The following OTOGL variants were observed in gnomAD, a reference collection of about 807,000 sequenced individuals.
OTOGL encodes otogelin-like protein.
Under a neutral mutation model 318.5 loss-of-function variants are expected in OTOGL, and 285 were observed. The ratio of observed to expected loss-of-function variants is 0.89; its 90% CI spans 0.81 to 0.99. OTOGL has a LOEUF of 0.99. Ranked by LOEUF, OTOGL falls within the 50% of genes least tolerant of loss-of-function variation. The probability of loss-of-function intolerance (pLI) is 0.00; values close to 1 mark genes in which losing one functional copy is unlikely to be tolerated. For missense variants in OTOGL, 2,899 were observed against 2,845.6 expected, an observed-to-expected ratio of 1.02 and a Z score of -0.43; for synonymous variants, 987 against 936.5, an observed-to-expected ratio of 1.05 and a Z score of -0.99.
chr12:80,299,282 C>A (rs1229775420), intron 27 of OTOGL, among the ~76,000 whole-genome samples: 1 of 152,096 alleles, frequency 6.6e-6, no homozygotes, highest in Non-Finnish European at 1.5e-5. Context: ...TAAGCACCAA[C>A]CAGATATTCA....
intron 27 of OTOGL, among the ~76,000 whole-genome samples, chr12:80,301,736 A>C (rs1225862007): frequency 1.3e-5 from 2 of 152,026 alleles, no homozygotes. Context: ...CTGCCCCCCT[A>C]CACACATACA....
At chr12:80,366,052 C>T (rs1890508023) in intron 52 of OTOGL, among the ~76,000 whole-genome samples, 1 of 152,000 alleles carries the variant, frequency 6.6e-6, no homozygotes, top group African/African-American at 2.4e-5. Flanking sequence ...TATATTGATC[C>T]ATTTATTTCT....
chr12:80,335,706 G>T (rs1888348226), intron 38 of OTOGL, among the ~76,000 whole-genome samples: 1 of 151,930 alleles, frequency 6.6e-6, no homozygotes, highest in Non-Finnish European at 1.5e-5. Flanking sequence ...GGAGAACACT[G>T]TTTTCTTCAG....
At chr12:80,301,519 T>C (rs1041070218) in intron 27 of OTOGL, among the ~76,000 whole-genome samples, 2 of 152,236 alleles carry the variant, frequency 1.3e-5, no homozygotes, top group Admixed American at 1.3e-4. Flanking sequence ...GCTCTAGCCT[T>C]TTGGTACTCT....
chr12:80,191,233 T>C (rs1199910233), intron 1 of OTOGL, among the ~76,000 whole-genome samples: 1 of 151,632 alleles, frequency 6.6e-6, no homozygotes, highest in African/African-American at 2.4e-5. Context: ...AAGTCAGGAG[T>C]TCAAGACCAG....
chr12:80,297,211 C>T (rs1885463408), intron 27 of OTOGL, among the ~76,000 whole-genome samples: 1 of 152,168 alleles, frequency 6.6e-6, no homozygotes, highest in African/African-American at 2.4e-5. Context: ...CTTGCAACCC[C>T]CACCTATTGC....
chr12:80,149,795 A>C (rs999914480), intron 1 of OTOGL, among the ~76,000 whole-genome samples: 7 of 152,170 alleles, frequency 4.6e-5, no homozygotes, highest in African/African-American at 1.7e-4. Context: ...AGCCCGTCGG[A>C]AAAGCGCAGT....
intron 29 of OTOGL, among the ~76,000 whole-genome samples, chr12:80,306,772 CTTTTT>C (rs11354571): frequency 6.9e-6 from 1 of 144,902 alleles, no homozygotes; most frequent in African/African-American, 2.5e-5. Context: ...GTAACTATTT[CTTTTT>C]TTTTTTTAAA....
chr12:80,232,271 T>A (rs1879436017), intron 8 of OTOGL, among the ~76,000 whole-genome samples: 2 of 152,172 alleles, frequency 1.3e-5, no homozygotes, highest in Admixed American at 6.5e-5. Flanking sequence ...GTACATTATA[T>A]CCCTAATATT....
intron 42 of OTOGL, among the ~76,000 whole-genome samples, chr12:80,337,249 A>G (rs1053594148): frequency 6.6e-6 from 1 of 151,970 alleles, no homozygotes; most frequent in Non-Finnish European, 1.5e-5. Flanking sequence ...TACACTAGCG[A>G]CCTCTGAGAT....
chr12:80,209,136 G>A (rs1877040816), intron 1 of OTOGL, among the ~76,000 whole-genome samples: 3 of 152,094 alleles, frequency 2.0e-5, no homozygotes, highest in South Asian at 2.1e-4. Flanking sequence ...GAAGGTAAAA[G>A]GTTGATATAG....
intron 35 of OTOGL, among the ~76,000 whole-genome samples, chr12:80,325,447 T>C (rs1448927754): frequency 6.6e-6 from 1 of 152,214 alleles, no homozygotes; most frequent in Non-Finnish European, 1.5e-5. Flanking sequence ...TTAATCTCAG[T>C]ATTCCTATTC....
chr12:80,122,088 A>T (rs956400419), intron 1 of OTOGL, among the ~76,000 whole-genome samples: 105 of 152,300 alleles, frequency 6.9e-4, no homozygotes, highest in Non-Finnish European at 1.3e-4. Flanking sequence ...GATTAAGAAA[A>T]ATACCACAAA....
At chr12:80,327,605 C>T (rs546543016) in intron 35 of OTOGL, among the ~76,000 whole-genome samples, 12 of 151,652 alleles carry the variant, frequency 7.9e-5, no homozygotes, top group African/African-American at 1.7e-4. Flanking sequence ...CTACAAACAC[C>T]GTCAAGGCAA....
intron 1 of OTOGL, among the ~76,000 whole-genome samples, chr12:80,190,676 A>G (rs1204293575): frequency 6.6e-6 from 1 of 151,334 alleles, no homozygotes; most frequent in African/African-American, 2.4e-5. Context: ...AATCCCAGCT[A>G]CTCGGAAGGC....
intron 46 of OTOGL, among the ~76,000 whole-genome samples, 163 bp downstream of exon 46, chr12:80,353,673 A>G (rs1889701641): frequency 6.6e-6 from 1 of 152,246 alleles, no homozygotes; most frequent in South Asian, 2.1e-4. Flanking sequence ...TTTCAAGAGA[A>G]GTTAATTGTT....
At chr12:80,243,871 G>A (rs999237386) in intron 11 of OTOGL, among the ~76,000 whole-genome samples, 1 of 128,416 alleles carries the variant, frequency 7.8e-6, no homozygotes, top group Non-Finnish European at 1.5e-5. Flanking sequence ...ATATATATAC[G>A]ATTCCATTAT....
intron 1 of OTOGL, among the ~76,000 whole-genome samples, chr12:80,177,668 TG>T (rs1483199103): frequency 1.3e-5 from 2 of 152,190 alleles, no homozygotes; most frequent in African/African-American, 4.8e-5. Flanking sequence ...AGATCAATTT[TG>T]GGGGAAATTA....
chr12:80,126,306 T>A (rs1370427697), intron 1 of OTOGL, among the ~76,000 whole-genome samples: 1 of 152,190 alleles, frequency 6.6e-6, no homozygotes, highest in Admixed American at 6.5e-5. Flanking sequence ...TACCCAGTAG[T>A]CATTCAGGAG....
Sources: allele counts gnomAD v4.1 joint callset (sites outside exome capture counted in the v4.1 genomes callset), GRCh38; gene constraint gnomAD v4.1.1; transcripts MANE v1.5; gene names NCBI Gene and HGNC (gene_info 2026-07-23, HGNC 2026-07-21).